The following PEX14 variants were observed in gnomAD, a reference collection of about 807,000 sequenced individuals.
PEX14 encodes peroxisomal membrane protein PEX14.
A neutral mutation model predicts 49.5 loss-of-function variants in PEX14; 15 were observed. That is an observed-to-expected ratio of 0.30 (90% CI 0.20 to 0.47). The LOEUF is 0.47. Ranked by LOEUF, PEX14 falls within the 20% of genes least tolerant of loss-of-function variation. PEX14 has a pLI of 1.00. For missense variants in PEX14, 398 were observed against 494.8 expected (o/e 0.80, Z 1.86); for synonymous variants, 210 against 212.7 (o/e 0.99, Z 0.11).
chr1:10,523,608 A>G (rs1638369084), intron 2 of PEX14, among the ~76,000 whole-genome samples: 1 of 148,448 alleles, frequency 6.7e-6, no homozygotes, highest in African/African-American at 2.5e-5. Flanking sequence ...GGCCAGGTTC[A>G]TGACAGTATT....
chr1:10,520,136 G>GGCC (rs1384360327), intron 2 of PEX14, among the ~76,000 whole-genome samples: 6 of 117,172 alleles, frequency 5.1e-5, no homozygotes, highest in East Asian at 2.5e-4. Flanking sequence ...TGTTGTGCCT[G>GGCC]GCCTTCTTCT....
At chr1:10,608,835 G>A (rs771533637) in intron 4 of PEX14, among the ~76,000 whole-genome samples, 4 of 151,756 alleles carry the variant, frequency 2.6e-5, no homozygotes, top group Non-Finnish European at 4.4e-5. Context: ...TAACTTTACC[G>A]AGTGATGCAG....
chr1:10,497,354 C>T (rs1462130517), intron 2 of PEX14, among the ~76,000 whole-genome samples: 3 of 152,120 alleles, frequency 2.0e-5, no homozygotes, highest in East Asian at 1.9e-4. Flanking sequence ...GGTGGTGTTG[C>T]GGTTTGTGAA....
chr1:10,550,601 C>T (rs997790466), intron 3 of PEX14, among the ~76,000 whole-genome samples: 2 of 152,252 alleles, frequency 1.3e-5, no homozygotes, highest in African/African-American at 4.8e-5. Context: ...ATAATAGCCA[C>T]TGGCATGTGT....
At chr1:10,605,295 A>G (rs1450538760) in intron 4 of PEX14, among the ~76,000 whole-genome samples, 1 of 152,144 alleles carries the variant, frequency 6.6e-6, no homozygotes, top group Non-Finnish European at 1.5e-5. Context: ...TGGGCAAGCT[A>G]TGGAAGAAGT....
At chr1:10,585,909 AAAAG>A (rs1640472232) in intron 3 of PEX14, among the ~76,000 whole-genome samples, 1 of 152,274 alleles carries the variant, frequency 6.6e-6, no homozygotes, top group African/African-American at 2.4e-5. Context: ...ACAAATAAAA[AAAAG>A]TGAGTCAGAG....
chr1:10,558,855 C>T (rs186629981), intron 3 of PEX14, among the ~76,000 whole-genome samples: 42 of 152,170 alleles, frequency 2.8e-4, no homozygotes, highest in Non-Finnish European at 3.5e-4. Context: ...TATGTAATGC[C>T]CCTCACTGAT....
At chr1:10,594,152 A>G (rs958375189) in intron 3 of PEX14, among the ~76,000 whole-genome samples, 2 of 152,212 alleles carry the variant, frequency 1.3e-5, no homozygotes, top group Admixed American at 6.5e-5. Flanking sequence ...ATTGTACTCT[A>G]CTGTTCCAAC....
chr1:10,543,854 C>T (rs1639091759), intron 3 of PEX14, among the ~76,000 whole-genome samples: 1 of 152,158 alleles, frequency 6.6e-6, no homozygotes, highest in African/African-American at 2.4e-5. Context: ...TCTGCCTTGC[C>T]TTCCCAAAGC....
intron 2 of PEX14, among the ~76,000 whole-genome samples, chr1:10,516,379 G>A (rs1641970305): frequency 1.3e-5 from 2 of 152,266 alleles, no homozygotes; most frequent in Admixed American, 6.5e-5. Context: ...TAATGCAAAT[G>A]TTGTCCCACT....
intron 8 of PEX14, 94 bp downstream of exon 8, chr1:10,627,457 C>G: frequency 1.2e-6 from 1 of 847,084 alleles, no homozygotes; most frequent in African/African-American, 1.7e-5. Flanking sequence ...CCCACCCCCA[C>G]CCCCAAGGAC....
At chr1:10,479,102 C>T (rs757419810) in intron 1 of PEX14, among the ~76,000 whole-genome samples, 2 of 151,688 alleles carry the variant, frequency 1.3e-5, no homozygotes, top group African/African-American at 4.8e-5. Context: ...CCTGGCTGGG[C>T]GTGATGGCTC....
chr1:10,616,068 C>T (rs902901323), intron 4 of PEX14, among the ~76,000 whole-genome samples: 6 of 152,164 alleles, frequency 3.9e-5, no homozygotes, highest in Non-Finnish European at 7.4e-5. Flanking sequence ...TAGGACACAC[C>T]GGGGAGTCTC....
chr1:10,488,310 C>A (rs752392312), intron 1 of PEX14, among the ~76,000 whole-genome samples: 3 of 152,010 alleles, frequency 2.0e-5, no homozygotes, highest in Non-Finnish European at 4.4e-5. Flanking sequence ...GTGCCTGCCA[C>A]CATGCTCGGC....
chr1:10,578,766 A>T lies in PEX14; in HGVS notation c.170-20472A>T, dbSNP rs189818166. Among the ~76,000 whole-genome samples, 15 of 152,286 alleles carry T rather than the reference A, an allele frequency of 9.8e-5. No homozygotes were observed. The East Asian group carries it at 1.9e-3, about 20-fold the overall frequency. On this transcript the variant is annotated intron_variant, in intron 3 of 8. Transcript: ENST00000356607. ...CAAATGTAAATCTTAGAACTGAAAA[A>T]CACAAAACCTGACACTGAAATTTCC...
Position 10,496,738 on chromosome 1 carries a change from CTGTACTGTGCATCTGCT to C in PEX14, c.84+1421_84+1437del, listed in dbSNP as rs1570152523. On this transcript the variant is annotated intron_variant, in intron 2 of 8. Transcript: ENST00000356607. ...GTGTTTCTGTGCCCTGCTCTTCCTG[CTGTACTGTGCATCTGCT>C]TGTTGGTTGGTTGTATTTTTATTTC... 2.6e-5 allele frequency among the ~76,000 whole-genome samples: 4 copies of C among 151,874 alleles called. No homozygotes were observed. The East Asian group carries it at 7.8e-4, about 30-fold the overall frequency.
At chr1:10,606,250 C>G (rs1165345390) in intron 4 of PEX14, among the ~76,000 whole-genome samples, 2 of 152,208 alleles carry the variant, frequency 1.3e-5, no homozygotes, top group Non-Finnish European at 2.9e-5. Context: ...GGCTCTCATC[C>G]GTCTCGTGGT....
intron 2 of PEX14, among the ~76,000 whole-genome samples, chr1:10,519,447 A>G (rs932647831): frequency 2.6e-5 from 4 of 152,136 alleles, no homozygotes; most frequent in African/African-American, 9.7e-5. Context: ...AAAGACTCGG[A>G]CTTTCAGGGT....
At chr1:10,616,923 G>C (rs1641438725) in intron 4 of PEX14, 1 of 152,008 alleles carries the variant, frequency 6.6e-6, no homozygotes, top group Non-Finnish European at 1.5e-5. Context: ...CCGGGCTACG[G>C]GGCACTGTGC....
Sources: gnomAD v4.1 joint callset for allele counts (sites outside exome capture counted in the v4.1 genomes callset) on GRCh38, gnomAD v4.1.1 for gene constraint, MANE v1.5 for transcripts, NCBI Gene and HGNC (gene_info 2026-07-23, HGNC 2026-07-21) for gene names.